The following HEATR5B variants were observed in gnomAD, a reference collection of about 807,000 sequenced individuals.
The protein encoded by HEATR5B is HEAT repeat containing 5B, also known as HEAT repeat-containing protein 5B.
A neutral mutation model predicts 224.1 loss-of-function variants in HEATR5B; 156 were observed. The ratio of observed to expected loss-of-function variants is 0.70; its 90% CI spans 0.61 to 0.80. HEATR5B has a LOEUF of 0.80. HEATR5B is among the 30% of genes least tolerant of loss of function. The pLI is 0.00. For missense variants in HEATR5B, 2,323 were observed against 2,535.5 expected (o/e 0.92, Z 1.80); for synonymous variants, 1,027 against 893.0 (o/e 1.15, Z -2.68).
chr2:37,006,153 G>A (rs1427579600), intron 29 of HEATR5B, among the ~76,000 whole-genome samples: 1 of 152,162 alleles, frequency 6.6e-6, no homozygotes, highest in Non-Finnish European at 1.5e-5. Flanking sequence ...GCAAGTTATA[G>A]AGGCACAATG....
At chr2:37,045,149 A>G (rs1180674997) in intron 18 of HEATR5B, among the ~76,000 whole-genome samples, 1 of 152,118 alleles carries the variant, frequency 6.6e-6, no homozygotes, top group African/African-American at 2.4e-5. Flanking sequence ...CATATTTATA[A>G]TAGCTCTTTT....
In HEATR5B at chr2:37,075,478, T is replaced by A; in HGVS notation, c.597+7A>T. 1 of 1,608,708 alleles carries A rather than the reference T, an allele frequency of 6.2e-7. No homozygotes were observed. The highest frequency in any genetic ancestry group is 1.1e-5 in the South Asian group (1 of 90,276). On this transcript the variant is annotated splice_region_variant and intron_variant, in intron 5 of 35. Transcript: ENST00000233099. The stretch of plus-strand genomic sequence containing the variant: ...AGAGCAGTATTCTAAATTGGTCGAG[T>A]ACTAACCTTGGCCACTGCACATCGA...
At chr2:37,039,774 T>C (rs550574897) in intron 20 of HEATR5B, among the ~76,000 whole-genome samples, 3 of 152,300 alleles carry the variant, frequency 2.0e-5, no homozygotes, top group Non-Finnish European at 4.4e-5. Context: ...ATTAGCTCAG[T>C]GGAATTAAGT....
At chr2:37,054,331 GCCA>G (rs1479180757) in intron 16 of HEATR5B, among the ~76,000 whole-genome samples, 1 of 147,804 alleles carries the variant, frequency 6.8e-6, no homozygotes, top group Non-Finnish European at 1.5e-5. Flanking sequence ...AGTAGCATGC[GCCA>G]CCACGCCTGG....
At position 37,062,038 on chromosome 2, in the gene HEATR5B, TACTA is replaced by T; in HGVS notation, c.1593_1596del (p.Ser532LeufsTer31). 1 of 1,602,118 alleles carries T rather than the reference TACTA, an allele frequency of 6.2e-7. No homozygotes were observed. The highest frequency in any genetic ancestry group is 1.1e-5 in the South Asian group (1 of 90,788). On this transcript the variant is annotated frameshift_variant, in exon 11 of 36. Coordinates refer to ENST00000233099, the MANE Select transcript of HEATR5B (RefSeq NM_019024.3). LOFTEE classifies it high-confidence loss of function. The stretch of plus-strand genomic sequence containing the variant: ...GCAGTTCGTAAAAGATCTTCAGCAA[TACTA>T]ACTACCATCTGCAAGAAAAGTTTAG...
chr2:36,981,435 C>T lies in HEATR5B; in HGVS notation c.*55G>A. The T allele has an allele frequency of 3.0e-6, 4 of 1,331,710 alleles. No homozygotes were observed. The highest frequency in any genetic ancestry group is 4.2e-6 in the Non-Finnish European group (4 of 961,066). 82.5% of individuals were successfully genotyped at this position (1,331,710 alleles called of 1,614,324 possible). ...AGGTAGCCTGGAATGATACAGTGGCCATCACTAATTAGGGGCTAGTTGACA... is the reference window on the plus strand; with the variant it reads ...AGGTAGCCTGGAATGATACAGTGGCTATCACTAATTAGGGGCTAGTTGACA... On this transcript the variant is annotated 3_prime_UTR_variant, in exon 36 of 36. Transcript: ENST00000233099.
intron 33 of HEATR5B, among the ~76,000 whole-genome samples, chr2:36,992,002 A>C (rs1467416203): frequency 6.6e-6 from 1 of 152,068 alleles, no homozygotes; most frequent in Non-Finnish European, 1.5e-5. Flanking sequence ...TTTCTAGAAC[A>C]GACTGGACAA....
At chr2:37,047,839 A>G (rs1163557298) in intron 18 of HEATR5B, among the ~76,000 whole-genome samples, 1 of 152,220 alleles carries the variant, frequency 6.6e-6, no homozygotes, top group Non-Finnish European at 1.5e-5. Flanking sequence ...GAAAGACTGA[A>G]GTTTTTCCAA....
At chr2:37,070,449 T>G (rs1377950150) in intron 6 of HEATR5B, 62 bp from the exon 7 acceptor site, 2 of 1,289,750 alleles carry the variant, frequency 1.6e-6, no homozygotes, top group Non-Finnish European at 2.2e-6. Context: ...AGCTTAATAA[T>G]TCAAGTAATT....
chr2:37,019,787 A>G (rs766262467), intron 26 of HEATR5B, 22 bp downstream of exon 26: 4 of 1,517,648 alleles, frequency 2.6e-6, no homozygotes, highest in South Asian at 1.1e-5. Flanking sequence ...ACAACTATAC[A>G]AAGTCCCATT....
At chr2:37,045,882 T>C (rs1353137879) in intron 18 of HEATR5B, among the ~76,000 whole-genome samples, 1 of 152,230 alleles carries the variant, frequency 6.6e-6, no homozygotes, top group Admixed American at 6.5e-5. Flanking sequence ...CTGGCTGTTG[T>C]CCAATGTCTC....
chr2:37,079,356 GAAC>G, intron 2 of HEATR5B, 25 bp from the exon 3 acceptor site: 1 of 1,404,150 alleles, frequency 7.1e-7, no homozygotes, highest in Non-Finnish European at 9.7e-7. Flanking sequence ...ATTTTTAAAA[GAAC>G]ATCATTAAAA....
At chr2:37,017,912 T>A (rs946494954) in intron 26 of HEATR5B, among the ~76,000 whole-genome samples, 16 of 152,094 alleles carry the variant, frequency 1.1e-4, no homozygotes, top group African/African-American at 3.4e-4. Context: ...GACCCTACTT[T>A]AAATGATTTT....
intron 4 of HEATR5B, chr2:37,076,224 T>C (rs1347421082): frequency 6.6e-6 from 1 of 152,324 alleles, no homozygotes; most frequent in Non-Finnish European, 1.5e-5. Flanking sequence ...AGGACCATCT[T>C]TGTATGTTTA....
At chr2:37,076,556 G>A (rs1672243049) in intron 4 of HEATR5B, among the ~76,000 whole-genome samples, 1 of 150,806 alleles carries the variant, frequency 6.6e-6, no homozygotes, top group Non-Finnish European at 1.5e-5. Context: ...TTCCAGAACT[G>A]TGAGACAATA....
Position 36,998,888 on chromosome 2 carries a change from A to C in HEATR5B, c.5545+1698T>G, listed in dbSNP as rs111893143. Among the ~76,000 whole-genome samples the C allele has an allele frequency of 8.4e-3, 1,280 of 152,162 alleles. 23 individuals are homozygous for C. The highest frequency in any genetic ancestry group is 0.029 in the African/African-American group (1,210 of 41,518). On this transcript the variant is annotated intron_variant, in intron 33 of 35. Transcript: ENST00000233099. Reference sequence around the variant, plus strand: ...TGACACATACTCATATAGAAAACATACTTATTTATATAGATAGATATTTCT... The same window carrying C: ...TGACACATACTCATATAGAAAACATCCTTATTTATATAGATAGATATTTCT...
intron 18 of HEATR5B, among the ~76,000 whole-genome samples, chr2:37,041,999 A>G (rs924738001): frequency 1.3e-5 from 2 of 152,064 alleles, no homozygotes; most frequent in African/African-American, 4.8e-5. Context: ...GAAATACCCT[A>G]TAATTATGAT....
At chr2:37,023,964 C>G (rs1022462074) in intron 24 of HEATR5B, among the ~76,000 whole-genome samples, 33 of 152,260 alleles carry the variant, frequency 2.2e-4, no homozygotes, top group African/African-American at 7.5e-4. Flanking sequence ...TCTGCACTCT[C>G]ATGTTTACTG....
rs771067951 is a variant in HEATR5B at position 37,007,120 on chromosome 2, C to G, written c.4707G>C (p.Gln1569His). ...QKRSTSVNLNQASGAVGSAKS... is the reference protein window; with the variant it reads ...QKRSTSVNLNHASGAVGSAKS... The stretch of plus-strand genomic sequence containing the variant: ...TAGCACTACCCACTGCTCCTGATGC[C>G]TGGTTTAAATTGACAGATGTAGAAC... The change falls in exon 29 of 36, where the codon CAG becomes CAC. Residue 1569 changes from glutamine to histidine, a missense_variant. Gln to His is a conservative substitution (Grantham distance 24). Around this residue, in one of 12 missense-constraint regions of HEATR5B, gnomAD observed 844 missense variants for 812.9 expected, o/e 1.04. Transcript: ENST00000233099. 2 of 1,614,058 alleles carry G rather than the reference C, an allele frequency of 1.2e-6. No homozygotes were observed. The highest frequency in any genetic ancestry group is 1.7e-6 in the Non-Finnish European group (2 of 1,180,006).
Sources: gnomAD v4.1 joint callset for allele counts (sites outside exome capture counted in the v4.1 genomes callset) on GRCh38, gnomAD v4.1.1 for gene constraint, gnomAD v4.1.1 regional missense constraint, MANE v1.5 for transcripts, NCBI Gene and HGNC (gene_info 2026-07-23, HGNC 2026-07-21) for gene names.